The following WSB2 variants were observed in gnomAD, a reference collection of about 807,000 sequenced individuals.
The protein encoded by WSB2 is WD repeat and SOCS box-containing protein 2.
Under a neutral mutation model 48.8 loss-of-function variants are expected in WSB2, and 12 were observed. The ratio of observed to expected loss-of-function variants is 0.25; its 90% CI spans 0.16 to 0.40. The LOEUF is 0.40. Ranked by LOEUF, WSB2 falls within the 10% of genes least tolerant of loss-of-function variation. The probability of loss-of-function intolerance (pLI) is 1.00; values close to 1 mark genes in which losing one functional copy is unlikely to be tolerated. For synonymous variants in WSB2, 191 were observed against 203.1 expected (o/e 0.94, Z 0.51); for missense variants, 317 against 506.2 (o/e 0.63, Z 3.59).
intron 8 of WSB2, 46 bp from the exon 9 acceptor site, chr12:118,034,404 A>G: frequency 6.2e-7 from 1 of 1,600,298 alleles, no homozygotes; most frequent in South Asian, 1.1e-5. Context: ...TTGGATGTTC[A>G]TGTTTTCATG....
intron 2 of WSB2, among the ~76,000 whole-genome samples, chr12:118,048,756 C>T (rs2031792749): frequency 6.6e-6 from 1 of 152,006 alleles, no homozygotes; most frequent in Non-Finnish European, 1.5e-5. Context: ...TTCATCTATA[C>T]AAATTTATGT....
upstream of WSB2, among the ~76,000 whole-genome samples, chr12:118,061,376 A>G (rs1218464632): frequency 6.8e-5 from 8 of 117,702 alleles, no homozygotes; most frequent in Non-Finnish European, 1.4e-4. Context: ...CGCGCGAACC[A>G]GATAAAAATG....
At chr12:118,036,145 T>G in intron 6 of WSB2, 193 bp downstream of exon 6, 2 of 577,704 alleles carry the variant, frequency 3.5e-6, no homozygotes, top group Non-Finnish European at 2.9e-6. Flanking sequence ...GAGGTTGCAG[T>G]GATCCAAGAT....
chr12:118,043,758 T>TA, intron 2 of WSB2, among the ~76,000 whole-genome samples: 1 of 151,916 alleles, frequency 6.6e-6, no homozygotes, highest in East Asian at 2.0e-4. Flanking sequence ...CATAAGACTT[T>TA]AAATCCTAGA....
At chr12:118,053,176 T>G (rs777378332) in intron 1 of WSB2, among the ~76,000 whole-genome samples, 7 of 152,110 alleles carry the variant, frequency 4.6e-5, no homozygotes, top group Non-Finnish European at 1.0e-4. Context: ...CCCGCCTGCC[T>G]ACATCATAAA....
intron 6 of WSB2, chr12:118,036,100 G>A (rs557113251): frequency 1.0e-4 from 37 of 359,656 alleles, no homozygotes; most frequent in Admixed American, 9.2e-4. Flanking sequence ...TACTCGGGAG[G>A]CTCAGGCAGC....
At position 118,042,959 on chromosome 12, in the gene WSB2, C is replaced by G. The variant is rs755399702; in HGVS notation, c.441G>C (p.Leu147Phe). ...CGACATCTTGGTGGCCGGAAAGATT[C>G]AAAAGCAGGAGCCCTGGCATGGGAG... ...IWEVQTGLLL[L>F]NLSGHQDVVR... The change falls in exon 4 of 9, where the codon TTG becomes TTC. Residue 147 changes from leucine to phenylalanine, a missense_variant. By Grantham distance (22) the Leu-to-Phe change is conservative (BLOSUM62 0). Transcript: ENST00000315436. 6.8e-6 allele frequency: 11 copies of G among 1,614,044 alleles called. No individual in the cohort carries two copies. Among genetic ancestry groups the G allele is most frequent in the African/African-American group, 1.3e-5 (1 of 74,916 alleles).
At chr12:118,058,036 C>A (rs1432909673) in intron 1 of WSB2, among the ~76,000 whole-genome samples, 2 of 151,982 alleles carry the variant, frequency 1.3e-5, no homozygotes, top group African/African-American at 4.8e-5. Context: ...AGCCATTGCA[C>A]CTGGCCCTGG....
chr12:118,042,478 A>G (rs1193022555), intron 4 of WSB2: 1 of 198,612 alleles, frequency 5.0e-6, no homozygotes, highest in Non-Finnish European at 1.0e-5. Flanking sequence ...TATTTTTAAC[A>G]GGGGCAATTC....
At chr12:118,035,391 C>A in intron 6 of WSB2, 67 bp from the exon 7 acceptor site, 2 of 1,475,916 alleles carry the variant, frequency 1.4e-6, no homozygotes, top group South Asian at 2.3e-5. Context: ...CATCATCACC[C>A]TAGGCAGGAA....
At chr12:118,057,648 T>G (rs1030802277) in intron 1 of WSB2, among the ~76,000 whole-genome samples, 1 of 152,202 alleles carries the variant, frequency 6.6e-6, no homozygotes. Context: ...ATGTATACAT[T>G]GTGGAATGGC....
At chr12:118,034,820 G>T in intron 8 of WSB2, 166 bp downstream of exon 8, 1 of 639,256 alleles carries the variant, frequency 1.6e-6, no homozygotes, top group South Asian at 2.3e-5. Context: ...AGAGAAAATG[G>T]GACACCGTTA....
rs2031430734 is a variant in WSB2 at position 118,033,676 on chromosome 12, G to T, written c.*520C>A. 2 of 153,546 alleles carry T rather than the reference G, an allele frequency of 1.3e-5. No individual in the cohort carries two copies. The highest frequency in any genetic ancestry group is 1.5e-5 in the Non-Finnish European group (1 of 68,900). The allele number at this position is 153,546 out of a possible 1,614,324, so 9.5% of individuals were successfully genotyped here. A position where few individuals can be genotyped will look rare whatever the true frequency, so the allele number is the denominator to read the frequency against. On this transcript the variant is annotated 3_prime_UTR_variant, in exon 9 of 9. Transcript: ENST00000315436. The stretch of plus-strand genomic sequence containing the variant: ...TGGCTCCAGGAAAACTGTCCTGCAG[G>T]TCAGAAGGGAGCCCAAGAAGAAAAG...
intron 4 of WSB2, among the ~76,000 whole-genome samples, chr12:118,040,270 C>G (rs1188753536): frequency 1.3e-5 from 2 of 152,112 alleles, no homozygotes; most frequent in East Asian, 3.9e-4. Flanking sequence ...GGGGCAGCGC[C>G]TGTCAGCTGG....
In WSB2 at chr12:118,035,151, C is replaced by A. The variant is rs1404934098; in HGVS notation, c.945-58G>T. 4 of 1,611,826 alleles carry A rather than the reference C, an allele frequency of 2.5e-6. No homozygotes were observed. In the Admixed American group the frequency reaches 6.7e-5, roughly 27 times the overall value. ...CTGACCCAGGGCCAGACCAAGAGGG[C>A]CTTGCTGCCATTACTTGCAAGCACT... is the stretch of plus-strand genomic sequence containing the variant. On this transcript the variant is annotated intron_variant, in intron 7 of 8. Coordinates refer to ENST00000315436, the MANE Select transcript of WSB2 (RefSeq NM_018639.5).
rs763682338 is a variant in WSB2, at chr12:118,034,184, A to G, written c.*12T>C. 3 of 1,613,920 alleles carry G rather than the reference A, an allele frequency of 1.9e-6. No homozygotes were observed. In the East Asian group the frequency reaches 6.7e-5, roughly 36 times the overall value. On this transcript the variant is annotated 3_prime_UTR_variant, in exon 9 of 9. Transcript: ENST00000315436. ...TTACCCTGCTACAAAGAAGCACAAG[A>G]TGTGGTGTTGCTTAAAAAGTCCTGT...
At chr12:118,036,741 A>C (rs1294878117) in intron 5 of WSB2, among the ~76,000 whole-genome samples, 2 of 152,186 alleles carry the variant, frequency 1.3e-5, no homozygotes, top group Non-Finnish European at 1.5e-5. Context: ...ACTATAAGAG[A>C]GAATAAACCA....
upstream of WSB2, chr12:118,062,125 G>A (rs1482196545): frequency 2.0e-6 from 3 of 1,535,152 alleles, no homozygotes; most frequent in East Asian, 2.4e-5. Flanking sequence ...GCCTGTCCCC[G>A]TCCCCCTGAG....
intron 1 of WSB2, among the ~76,000 whole-genome samples, chr12:118,053,373 A>G (rs2031891773): frequency 6.6e-6 from 1 of 152,210 alleles, no homozygotes; most frequent in South Asian, 2.1e-4. Flanking sequence ...TCAAAGTAAC[A>G]AGAAAGAAAG....
Sources: allele counts gnomAD v4.1 joint callset (sites outside exome capture counted in the v4.1 genomes callset), GRCh38; gene constraint gnomAD v4.1.1; transcripts MANE v1.5; gene names NCBI Gene and HGNC (gene_info 2026-07-23, HGNC 2026-07-21).